Variants in SGCZ observed in about 807,000 individuals in gnomAD.
The protein encoded by SGCZ is sarcoglycan zeta.
A neutral mutation model predicts 41.3 loss-of-function variants in SGCZ; 40 were observed. The ratio of observed to expected loss-of-function variants is 0.97; its 90% CI spans 0.75 to 1.26. The LOEUF is 1.26. Among genes scored for constraint, SGCZ ranks in the 50% most tolerant of loss-of-function variants. The pLI is 0.00. For synonymous variants in SGCZ, 206 were observed against 137.5 expected (o/e 1.50, Z -3.49); for missense variants, 552 against 369.8 (o/e 1.49, Z -4.04).
chr8:14,178,056 C>G, intron 4 of SGCZ, among the ~76,000 whole-genome samples: 1 of 143,948 alleles, frequency 6.9e-6, no homozygotes, highest in South Asian at 2.2e-4. Flanking sequence ...CTCCTGGGTT[C>G]AAGGGACTCT....
intron 1 of SGCZ, among the ~76,000 whole-genome samples, chr8:15,065,271 G>C (rs555888311): frequency 1.3e-5 from 2 of 151,906 alleles, no homozygotes; most frequent in African/African-American, 4.8e-5. Context: ...ATTCAGTTTG[G>C]TATTCCTTCC....
At chr8:14,752,399 A>C (rs141254009) in intron 1 of SGCZ, among the ~76,000 whole-genome samples, 156 of 152,334 alleles carry the variant, frequency 1.0e-3, no homozygotes, top group Non-Finnish European at 1.9e-3. Context: ...AAATGTTTCC[A>C]GTTCAAAAAT....
At chr8:14,465,247 G>C (rs1801016767) in intron 2 of SGCZ, among the ~76,000 whole-genome samples, 1 of 151,520 alleles carries the variant, frequency 6.6e-6, no homozygotes, top group Non-Finnish European at 1.5e-5. Flanking sequence ...TTGATGTTCT[G>C]CTATTAGGTA....
chr8:14,341,685 T>C (rs1802712681), intron 2 of SGCZ, among the ~76,000 whole-genome samples: 1 of 152,156 alleles, frequency 6.6e-6, no homozygotes, highest in Non-Finnish European at 1.5e-5. Context: ...CAAGAGGAAG[T>C]AATTGAATCA....
At chr8:14,837,462 G>A (rs778627950) in intron 1 of SGCZ, among the ~76,000 whole-genome samples, 12 of 152,214 alleles carry the variant, frequency 7.9e-5, no homozygotes, top group Non-Finnish European at 1.3e-4. Context: ...AGAGTTGCTT[G>A]TAGGAATTGG....
chr8:14,849,245 CT>C (rs967541657), intron 1 of SGCZ, among the ~76,000 whole-genome samples: 2 of 152,010 alleles, frequency 1.3e-5, no homozygotes, highest in African/African-American at 4.8e-5. Context: ...AACAAGAAAT[CT>C]TTTTTAAAAA....
intron 1 of SGCZ, among the ~76,000 whole-genome samples, chr8:14,691,207 G>A (rs1279579005): frequency 2.0e-5 from 3 of 152,056 alleles, no homozygotes; most frequent in Admixed American, 1.3e-4. Context: ...CTTCGATAAG[G>A]CACTCACTAT....
intron 1 of SGCZ, among the ~76,000 whole-genome samples, chr8:15,005,896 T>C (rs924853164): frequency 6.6e-6 from 1 of 152,244 alleles, no homozygotes; most frequent in Non-Finnish European, 1.5e-5. Flanking sequence ...CTGTGCTATT[T>C]TATTTTAATT....
At chr8:14,860,838 A>C (rs1803723658) in intron 1 of SGCZ, among the ~76,000 whole-genome samples, 1 of 152,180 alleles carries the variant, frequency 6.6e-6, no homozygotes, top group Non-Finnish European at 1.5e-5. Flanking sequence ...CCCCACGCTC[A>C]GAAGGGCCTT....
intron 1 of SGCZ, among the ~76,000 whole-genome samples, chr8:14,746,126 C>T (rs796138034): frequency 1.4e-4 from 21 of 151,928 alleles, no homozygotes; most frequent in African/African-American, 4.6e-4. Context: ...TATATTTGTA[C>T]AGCATCCAAC....
At chr8:14,121,570 T>C (rs915273738) in intron 5 of SGCZ, among the ~76,000 whole-genome samples, 1 of 152,154 alleles carries the variant, frequency 6.6e-6, no homozygotes, top group African/African-American at 2.4e-5. Context: ...TTAAACTGAC[T>C]AAAATCATAC....
intron 6 of SGCZ, among the ~76,000 whole-genome samples, chr8:14,102,859 A>ATAAC (rs1554456964): frequency 2.6e-5 from 4 of 152,184 alleles, no homozygotes; most frequent in Non-Finnish European, 5.9e-5. Context: ...TTACCAGTAT[A>ATAAC]TAACTTACTA....
Position 14,537,317 on chromosome 8 carries a change from G to A in SGCZ, c.234+17415C>T, listed in dbSNP as rs186000680. Reference sequence around the variant, plus strand: ...GGGGGTCGTCTAGTGCAGTATCATTGCATATCTCTGTCTAAATATGACAAC... The same window carrying A: ...GGGGGTCGTCTAGTGCAGTATCATTACATATCTCTGTCTAAATATGACAAC... On this transcript the variant is annotated intron_variant, in intron 2 of 7. Transcript: ENST00000382080. Among the ~76,000 whole-genome samples the A allele has an allele frequency of 1.8e-4, 28 of 151,954 alleles. 1 individual carries two copies. The highest frequency in any genetic ancestry group is 6.7e-4 in the African/African-American group (28 of 41,494).
chr8:14,645,670 T>G (rs1044057041), intron 1 of SGCZ, among the ~76,000 whole-genome samples: 3 of 151,086 alleles, frequency 2.0e-5, no homozygotes, highest in Admixed American at 6.6e-5. Context: ...CATACGCACC[T>G]TTTCATATTT....
intron 1 of SGCZ, among the ~76,000 whole-genome samples, chr8:14,825,296 T>A (rs1345577040): frequency 6.6e-6 from 1 of 152,204 alleles, no homozygotes; most frequent in African/African-American, 2.4e-5. Flanking sequence ...ATGTGTATCG[T>A]CACTTATCTC....
intron 1 of SGCZ, among the ~76,000 whole-genome samples, chr8:15,010,462 T>C (rs1298870249): frequency 6.6e-6 from 1 of 152,228 alleles, no homozygotes; most frequent in Non-Finnish European, 1.5e-5. Flanking sequence ...GCAGCATTTA[T>C]TTATTTACTT....
intron 1 of SGCZ, among the ~76,000 whole-genome samples, chr8:14,661,839 G>T (rs960862987): frequency 4.0e-5 from 4 of 100,100 alleles, no homozygotes; most frequent in African/African-American, 2.1e-4. Context: ...ATCTCAAATT[G>T]TTAAAAAAAA....
intron 3 of SGCZ, among the ~76,000 whole-genome samples, chr8:14,271,118 C>T (rs967210581): frequency 2.6e-5 from 4 of 151,740 alleles, no homozygotes; most frequent in Non-Finnish European, 4.4e-5. Flanking sequence ...TAATGGGTGC[C>T]GCACACCAAT....
intron 1 of SGCZ, among the ~76,000 whole-genome samples, chr8:14,987,876 T>A (rs1368853220): frequency 6.6e-6 from 1 of 152,068 alleles, no homozygotes; most frequent in African/African-American, 2.4e-5. Flanking sequence ...AGTAGTGTTT[T>A]GAAAAATTAA....
Sources: allele counts gnomAD v4.1 joint callset (sites outside exome capture counted in the v4.1 genomes callset), GRCh38; gene constraint gnomAD v4.1.1; transcripts MANE v1.5; gene names NCBI Gene and HGNC (gene_info 2026-07-23, HGNC 2026-07-21).